Variants in PRKN observed in about 807,000 individuals in gnomAD.
PRKN encodes E3 ubiquitin-protein ligase parkin.
A neutral mutation model predicts 59.5 loss-of-function variants in PRKN; 56 were observed. The ratio of observed to expected loss-of-function variants is 0.94; its 90% confidence interval spans 0.76 to 1.18. The LOEUF is 1.18. PRKN is among the 50% of genes most tolerant of loss of function. The pLI is 0.00. For synonymous variants in PRKN, 250 were observed against 222.1 expected (o/e 1.13, Z -1.12); for missense variants, 657 against 596.4 (o/e 1.10, Z -1.06).
intron 1 of PRKN, among the ~76,000 whole-genome samples, chr6:162,506,920 A>G (rs570823001): frequency 4.6e-5 from 7 of 152,172 alleles, no homozygotes; most frequent in Non-Finnish European, 8.8e-5. Flanking sequence ...AGGTCAAAGA[A>G]TCACCATCCC....
intron 1 of PRKN, among the ~76,000 whole-genome samples, chr6:162,628,611 T>C (rs1029037240): frequency 5.9e-5 from 9 of 152,022 alleles, no homozygotes; most frequent in African/African-American, 1.9e-4. Flanking sequence ...GTAGTGAAAA[T>C]GGCAGAGCTC....
intron 2 of PRKN, among the ~76,000 whole-genome samples, chr6:162,265,682 T>C (rs1458191010): frequency 4.6e-5 from 7 of 152,038 alleles, no homozygotes; most frequent in Non-Finnish European, 1.0e-4. Context: ...CAAGACTCCG[T>C]TGCAAAAAAC....
At chr6:162,355,505 A>G (rs1784818074) in intron 2 of PRKN, among the ~76,000 whole-genome samples, 1 of 151,920 alleles carries the variant, frequency 6.6e-6, no homozygotes, top group Non-Finnish European at 1.5e-5. Flanking sequence ...CCTCTAAACA[A>G]TACATACTGT....
chr6:162,311,492 T>TC (rs1252219293), intron 2 of PRKN, among the ~76,000 whole-genome samples: 1 of 148,724 alleles, frequency 6.7e-6, no homozygotes, highest in Non-Finnish European at 1.5e-5. Flanking sequence ...TTTTTTTTTT[T>TC]TTTTTTTTGA....
At position 161,548,592 on chromosome 6, in the gene PRKN, G is replaced by A. The variant is rs909378144; in HGVS notation, c.1083+262C>T. On this transcript the variant is annotated intron_variant, in intron 9 of 11. Transcript: ENST00000366898. This position sits in a 1 kb window ranked among gnomAD's most constrained non-coding sequence, Gnocchi z 4.2. The stretch of plus-strand genomic sequence containing the variant: ...AAAAGTTTAAAAGTCTGGCCTAGTG[G>A]CTCACAGCATCTTAAAGTAAATACT... 2.0e-5 allele frequency among the ~76,000 whole-genome samples: 3 copies of A among 152,148 alleles called. No homozygotes were observed. Among genetic ancestry groups the A allele is most frequent in the Admixed American group, 1.3e-4 (2 of 15,270 alleles).
intron 3 of PRKN, among the ~76,000 whole-genome samples, chr6:162,222,234 G>A (rs1478593102): frequency 6.6e-6 from 1 of 152,044 alleles, no homozygotes; most frequent in Non-Finnish European, 1.5e-5. Flanking sequence ...CCTATTAGGA[G>A]GTTATATTAA....
At chr6:162,529,413 T>C (rs1383949746) in intron 1 of PRKN, among the ~76,000 whole-genome samples, 2 of 152,186 alleles carry the variant, frequency 1.3e-5, no homozygotes, top group Non-Finnish European at 2.9e-5. Flanking sequence ...ATATTGATAT[T>C]ACAATGGAAA....
chr6:162,615,787 C>T (rs1449106272), intron 1 of PRKN, among the ~76,000 whole-genome samples: 5 of 152,150 alleles, frequency 3.3e-5, no homozygotes, highest in Admixed American at 2.0e-4. Flanking sequence ...GGACGAAGAA[C>T]GACTTGCAAA....
At chr6:161,815,368 A>G (rs987231240) in intron 6 of PRKN, among the ~76,000 whole-genome samples, 1 of 152,252 alleles carries the variant, frequency 6.6e-6, no homozygotes, top group Non-Finnish European at 1.5e-5. Flanking sequence ...GTGTTCACCT[A>G]TACAAAGAAA....
intron 9 of PRKN, among the ~76,000 whole-genome samples, chr6:161,433,599 A>G (rs1788749022): frequency 6.6e-6 from 1 of 152,192 alleles, no homozygotes; most frequent in Non-Finnish European, 1.5e-5. Flanking sequence ...GGCCCGATAT[A>G]AACTCCCTTT....
chr6:161,969,024 C>A (rs571665065), intron 6 of PRKN, among the ~76,000 whole-genome samples: 1 of 152,208 alleles, frequency 6.6e-6, no homozygotes, highest in East Asian at 1.9e-4. Context: ...AATAAAAAAT[C>A]TCCTTTATCA....
At chr6:162,525,487 G>A (rs1046187280) in intron 1 of PRKN, among the ~76,000 whole-genome samples, 5 of 152,238 alleles carry the variant, frequency 3.3e-5, no homozygotes, top group Admixed American at 6.5e-5. Flanking sequence ...CACCTGCCCC[G>A]TGAGGCGTGG....
At chr6:161,672,568 G>A (rs1392145361) in intron 7 of PRKN, among the ~76,000 whole-genome samples, 1 of 152,150 alleles carries the variant, frequency 6.6e-6, no homozygotes, top group Non-Finnish European at 1.5e-5. Context: ...CTGAGGTCAG[G>A]AGTTCGAGAC....
intron 1 of PRKN, among the ~76,000 whole-genome samples, chr6:162,535,053 T>TTCCATCCCCAGTCCTCC (rs1778663044): frequency 6.6e-6 from 1 of 151,768 alleles, no homozygotes; most frequent in Non-Finnish European, 1.5e-5. Flanking sequence ...CCCAGTCCTC[T>TTCCATCCCCAGTCCTCC]TCCTGGGGGT....
chr6:161,623,624 C>T (rs1441912088), intron 7 of PRKN, among the ~76,000 whole-genome samples: 4 of 152,118 alleles, frequency 2.6e-5, no homozygotes, highest in African/African-American at 9.7e-5. Context: ...AGATTATGCC[C>T]CTGCTTTTTA....
Position 161,503,771 on chromosome 6 carries a change from T to C in PRKN, c.1083+45083A>G, listed in dbSNP as rs969954044. ...CACTCACTGCACCACAGGGTGGCCG[T>C]GACACAAAGTCAGATGTGAGCATTC... is the stretch of plus-strand genomic sequence containing the variant. On this transcript the variant is annotated intron_variant, in intron 9 of 11. Transcript: ENST00000366898. This position sits in a 1 kb window ranked among gnomAD's most constrained non-coding sequence, Gnocchi z 5.1. Among the ~76,000 whole-genome samples, 2 of 152,300 alleles carry C rather than the reference T, an allele frequency of 1.3e-5. No homozygotes were observed. Among genetic ancestry groups the C allele is most frequent in the South Asian group, 2.1e-4 (1 of 4,818 alleles).
At chr6:161,933,667 C>A (rs1350439186) in intron 6 of PRKN, among the ~76,000 whole-genome samples, 5 of 151,892 alleles carry the variant, frequency 3.3e-5, no homozygotes, top group African/African-American at 1.2e-4. Flanking sequence ...GCTCACAGTT[C>A]CCCTGCAGAC....
chr6:162,253,077 T>C (rs1186839705), intron 3 of PRKN, among the ~76,000 whole-genome samples: 1 of 152,204 alleles, frequency 6.6e-6, no homozygotes, highest in East Asian at 1.9e-4. Context: ...CGCTGTTGTC[T>C]ACAGTAACCT....
intron 1 of PRKN, among the ~76,000 whole-genome samples, chr6:162,544,206 G>C (rs2803071): frequency 0.46 from 70,339 of 151,914 alleles, 17,955 homozygotes; most frequent in Non-Finnish European, 0.58. Context: ...GGATACATAA[G>C]CATATAAGAT....
Sources: gnomAD v4.1 joint callset for allele counts (sites outside exome capture counted in the v4.1 genomes callset) on GRCh38, gnomAD v4.1.1 for gene constraint, Gnocchi (gnomAD v3.1) non-coding constraint, MANE v1.5 for transcripts, NCBI Gene and HGNC (gene_info 2026-07-23, HGNC 2026-07-21) for gene names.